The following TAF2 variants were observed in gnomAD, a reference collection of about 807,000 sequenced individuals.
TAF2 encodes the protein TATA-box binding protein associated factor 2.
In TAF2, 61 loss-of-function variants were observed where a neutral mutation model predicts 138.5. That is an observed-to-expected ratio of 0.44 (90% CI 0.36 to 0.54). TAF2 has a LOEUF of 0.54. Ranked by LOEUF, TAF2 falls within the 20% of genes least tolerant of loss-of-function variation. TAF2 has a pLI of 0.00. For synonymous variants in TAF2, 475 were observed against 469.9 expected, an observed-to-expected ratio of 1.01 and a Z score of -0.14; for missense variants, 1,090 against 1,427.9, an observed-to-expected ratio of 0.76 and a Z score of 3.81.
At chr8:119,785,756 C>T (rs998091480) in intron 14 of TAF2, among the ~76,000 whole-genome samples, 1 of 151,900 alleles carries the variant, frequency 6.6e-6, no homozygotes, top group Non-Finnish European at 1.5e-5. Flanking sequence ...TCAAGATAAG[C>T]AAAAACAAAA....
intron 4 of TAF2, 36 bp downstream of exon 4, chr8:119,806,246 AT>A: frequency 6.5e-7 from 1 of 1,536,734 alleles, no homozygotes; most frequent in East Asian, 2.3e-5. Context: ...ATCTAACGTG[AT>A]TTTAGTGTAC....
At chr8:119,762,782 G>GT (rs1217853929) in intron 18 of TAF2, 174 bp from the exon 19 acceptor site, 2 of 567,230 alleles carry the variant, frequency 3.5e-6, no homozygotes, top group East Asian at 6.1e-5. Flanking sequence ...TCTGAAAACA[G>GT]TAAGAGATTC....
intron 18 of TAF2, among the ~76,000 whole-genome samples, chr8:119,774,188 T>A (rs1822055283): frequency 6.6e-6 from 1 of 151,902 alleles, no homozygotes; most frequent in Non-Finnish European, 1.5e-5. Flanking sequence ...AAAAAATTGA[T>A]CTTTTGTATG....
In TAF2 at chr8:119,732,138, G is replaced by A. The variant is rs771311772; in HGVS notation, c.3386C>T (p.Ala1129Val). The A allele has an allele frequency of 3.7e-6, 6 of 1,614,158 alleles. No homozygotes were observed. Among genetic ancestry groups the A allele is most frequent in the Non-Finnish European group, 5.1e-6 (6 of 1,180,026 alleles). The change falls in exon 26 of 26, where the codon GCT (alanine) becomes GTT (valine). Residue 1129 changes from alanine to valine, a missense_variant. Ala to Val is a moderately conservative substitution (Grantham distance 64). This residue lies in a region of TAF2 where 580 missense variants were observed against 719.6 expected (regional missense o/e 0.81). Transcript: ENST00000378164. ...LEMSMHPAAS[A>V]PLSVFTKEST... is the part of the protein sequence containing the mutation. ...TTCCTTAGTAAAGACTGAGAGTGGA[G>A]CGCTTGCCGCTGGATGCATACTCAT... is the stretch of plus-strand genomic sequence containing the variant.
rs532189434 is a variant in TAF2 at position 119,776,509 on chromosome 8, C to T, written c.2364+1510G>A. On this transcript the variant is annotated intron_variant, in intron 18 of 25. Coordinates refer to ENST00000378164, the MANE Select transcript of TAF2 (RefSeq NM_003184.4). ...CATCCTGGCTACCACAGTGAAACCC[C>T]GTCTCTACTAAAAATACAAAAAAAA... Among the ~76,000 whole-genome samples, 364 of 147,608 alleles carry T rather than the reference C, an allele frequency of 2.5e-3. 3 individuals carry two copies. The highest frequency in any genetic ancestry group is 6.7e-3 in the South Asian group (31 of 4,642).
intron 18 of TAF2, among the ~76,000 whole-genome samples, chr8:119,777,097 G>C (rs1822303710): frequency 6.6e-6 from 1 of 152,110 alleles, no homozygotes; most frequent in Non-Finnish European, 1.5e-5. Context: ...CATTGTATTA[G>C]GTAGTATAAG....
intron 25 of TAF2, among the ~76,000 whole-genome samples, chr8:119,739,919 T>G (rs376472956): frequency 9.8e-4 from 149 of 152,218 alleles, no homozygotes; most frequent in African/African-American, 3.1e-3. Flanking sequence ...CTCTTCATTT[T>G]TAGTTATCTA....
intron 2 of TAF2, among the ~76,000 whole-genome samples, chr8:119,824,294 G>T (rs1563929287): frequency 6.6e-6 from 1 of 152,002 alleles, no homozygotes; most frequent in Non-Finnish European, 1.5e-5. Context: ...GCCAGGCATG[G>T]TGGTGGGCGC....
intron 6 of TAF2, among the ~76,000 whole-genome samples, chr8:119,798,067 CTG>C (rs1397882564): frequency 1.3e-5 from 2 of 152,072 alleles, no homozygotes; most frequent in Non-Finnish European, 2.9e-5. Context: ...GATTATAAGT[CTG>C]TGGAATGCTC....
In TAF2 at chr8:119,832,635, TCA is replaced by T. The variant is rs1452295163; in HGVS notation, c.-73_-72del. On this transcript the variant is annotated 5_prime_UTR_variant, in exon 1 of 26. Coordinates refer to ENST00000378164, the MANE Select transcript of TAF2 (RefSeq NM_003184.4). ...CGGGGCATTACTAGTCTTTGGCACC[TCA>T]CACTCTCCACTCCCCTGCGGTCCCC... 3 of 1,456,066 alleles carry T rather than the reference TCA, an allele frequency of 2.1e-6. No homozygotes were observed. In the African/African-American group the frequency reaches 4.2e-5, roughly 20 times the overall value. The allele number at this position is 1,456,066 out of a possible 1,614,324, so 90.2% of individuals were successfully genotyped here. A position where few individuals can be genotyped will look rare whatever the true frequency, so the allele number is the denominator to read the frequency against.
chr8:119,820,221 A>G (rs753484989), intron 2 of TAF2, among the ~76,000 whole-genome samples: 1 of 152,202 alleles, frequency 6.6e-6, no homozygotes, highest in Non-Finnish European at 1.5e-5. Context: ...AACACAGAAT[A>G]TATGTTAATT....
intron 25 of TAF2, among the ~76,000 whole-genome samples, chr8:119,740,406 G>A (rs1242632530): frequency 6.7e-6 from 1 of 150,206 alleles, no homozygotes; most frequent in Non-Finnish European, 1.5e-5. Flanking sequence ...TGTGATCCTA[G>A]CACTTTGGGA....
At chr8:119,778,563 C>A (rs1033865050) in intron 17 of TAF2, among the ~76,000 whole-genome samples, 1 of 152,154 alleles carries the variant, frequency 6.6e-6, no homozygotes, top group African/African-American at 2.4e-5. Flanking sequence ...GTGCTAGGTG[C>A]CTTTAGCTCG....
chr8:119,786,184 A>G (rs568366656), intron 14 of TAF2, among the ~76,000 whole-genome samples: 1 of 152,306 alleles, frequency 6.6e-6, no homozygotes, highest in African/African-American at 2.4e-5. Flanking sequence ...GTTGTGTTAA[A>G]TAAGGGGTAA....
chr8:119,829,465 T>C (rs1397772602), intron 2 of TAF2, among the ~76,000 whole-genome samples: 1 of 152,116 alleles, frequency 6.6e-6, no homozygotes, highest in African/African-American at 2.4e-5. Flanking sequence ...CCACCTCATG[T>C]TGGTTTCTGT....
chr8:119,819,599 T>G (rs935744647), intron 2 of TAF2, 93 bp from the exon 3 acceptor site: 10 of 1,050,256 alleles, frequency 9.5e-6, no homozygotes, highest in African/African-American at 3.1e-5. Context: ...CATATTATAC[T>G]ACAGAGACAA....
intron 6 of TAF2, among the ~76,000 whole-genome samples, chr8:119,798,809 A>G (rs984255773): frequency 7.2e-5 from 11 of 152,214 alleles, no homozygotes; most frequent in Non-Finnish European, 1.3e-4. Context: ...AGAGGCTACC[A>G]TAAGAGTGGA....
intron 18 of TAF2, among the ~76,000 whole-genome samples, chr8:119,771,782 T>C (rs2131096473): frequency 6.6e-6 from 1 of 152,164 alleles, no homozygotes; most frequent in Non-Finnish European, 1.5e-5. Context: ...GATAGGTCAT[T>C]GAGGCAGAAA....
In TAF2 at chr8:119,731,990, C is replaced by CT; in HGVS notation, c.3533dup (p.Glu1179GlyfsTer40). 6.2e-7 allele frequency: 1 copy of CT among 1,614,176 alleles called. No homozygotes were observed. Among genetic ancestry groups the CT allele is most frequent in the Non-Finnish European group, 8.5e-7 (1 of 1,180,026 alleles). On this transcript the variant is annotated frameshift_variant, in exon 26 of 26. Transcript: ENST00000378164. LOFTEE classifies it high-confidence loss of function. ...CAGGGCTGGAGAAAGTGAAAGGCTCCTTGTCCTTTTCTTTACTGTCATGCT... is the reference window on the plus strand; with the variant it reads ...CAGGGCTGGAGAAAGTGAAAGGCTCCTTTGTCCTTTTCTTTACTGTCATGCT...
Sources: gnomAD v4.1 joint callset for allele counts (sites outside exome capture counted in the v4.1 genomes callset) on GRCh38, gnomAD v4.1.1 for gene constraint, gnomAD v4.1.1 regional missense constraint, MANE v1.5 for transcripts, NCBI Gene and HGNC (gene_info 2026-07-23, HGNC 2026-07-21) for gene names.